PEAK1: variants seen among roughly 807,000 people sequenced by gnomAD.
PEAK1 encodes the protein pseudopodium enriched atypical kinase 1, also known as inactive tyrosine-protein kinase PEAK1.
In PEAK1, 54 loss-of-function variants were observed where a neutral mutation model predicts 124.7. The ratio of observed to expected loss-of-function variants is 0.43; its 90% CI spans 0.35 to 0.54. The LOEUF (loss-of-function observed/expected upper bound fraction) is 0.54, where lower values mean the gene tolerates loss of function less well. PEAK1 is among the 20% of genes least tolerant of loss of function. The pLI is 0.01. For synonymous variants in PEAK1, 719 were observed against 760.0 expected, an observed-to-expected ratio of 0.95 and a Z score of 0.89; for missense variants, 2,046 against 2,134.5, an observed-to-expected ratio of 0.96 and a Z score of 0.82.
At chr15:77,135,740 C>T (rs1449586697) in intron 8 of PEAK1, among the ~76,000 whole-genome samples, 2 of 152,134 alleles carry the variant, frequency 1.3e-5, no homozygotes, top group Non-Finnish European at 2.9e-5. Context: ...CCCCTGCACA[C>T]GTTCTCTCTC....
intron 1 of PEAK1, among the ~76,000 whole-genome samples, chr15:77,398,600 A>G (rs1398181314): frequency 6.6e-6 from 1 of 152,216 alleles, no homozygotes; most frequent in African/African-American, 2.4e-5. Context: ...AAAACTAGGT[A>G]CAGAAGGAAC....
intron 1 of PEAK1, among the ~76,000 whole-genome samples, chr15:77,372,039 A>G (rs1301533317): frequency 6.6e-6 from 1 of 152,230 alleles, no homozygotes; most frequent in Non-Finnish European, 1.5e-5. Flanking sequence ...TGACTTCACT[A>G]TATTTCAAAG....
At chr15:77,306,920 A>T (rs969977252) in intron 2 of PEAK1, among the ~76,000 whole-genome samples, 18 of 152,150 alleles carry the variant, frequency 1.2e-4, no homozygotes, top group Admixed American at 3.3e-4. Context: ...ATGTACATAA[A>T]CATCTTTTGA....
At chr15:77,303,896 A>C (rs1348010220) in intron 2 of PEAK1, among the ~76,000 whole-genome samples, 2 of 152,198 alleles carry the variant, frequency 1.3e-5, no homozygotes, top group East Asian at 1.9e-4. Flanking sequence ...TTATTGCATA[A>C]ATTATAAGGT....
intron 5 of PEAK1, among the ~76,000 whole-genome samples, chr15:77,261,681 C>T (rs1340083498): frequency 3.3e-5 from 5 of 152,186 alleles, no homozygotes; most frequent in Middle Eastern, 3.2e-3. Context: ...TTGGAAAACA[C>T]TCTGCAGGAT....
intron 1 of PEAK1, chr15:77,418,942 TAA>T (rs1236510716): frequency 1.0e-6 from 1 of 985,252 alleles, no homozygotes; most frequent in East Asian, 1.1e-4. Context: ...TCCAATGACC[TAA>T]AAATAGTCTT....
intron 8 of PEAK1, among the ~76,000 whole-genome samples, chr15:77,154,787 T>G (rs2054972412): frequency 6.6e-6 from 1 of 151,984 alleles, no homozygotes; most frequent in South Asian, 2.1e-4. Flanking sequence ...TGAAAATTCT[T>G]TTCTTTAAGA....
chr15:77,254,520 C>A (rs2152928845), intron 5 of PEAK1, among the ~76,000 whole-genome samples: 1 of 152,124 alleles, frequency 6.6e-6, no homozygotes, highest in South Asian at 2.1e-4. Flanking sequence ...GCATCCTTGA[C>A]CTCCTAGGCT....
At chr15:77,168,512 G>A (rs528700311) in intron 7 of PEAK1, among the ~76,000 whole-genome samples, 4 of 152,318 alleles carry the variant, frequency 2.6e-5, no homozygotes, top group African/African-American at 7.2e-5. Context: ...ACATGTAAAA[G>A]ATGAGTGTGG....
intron 6 of PEAK1, among the ~76,000 whole-genome samples, chr15:77,214,923 G>A (rs2059079716): frequency 6.6e-6 from 1 of 152,118 alleles, no homozygotes; most frequent in Admixed American, 6.5e-5. Context: ...ATTACAATTC[G>A]ACAAGAGAAT....
At chr15:77,175,200 T>A (rs1224639459) in intron 7 of PEAK1, among the ~76,000 whole-genome samples, 2 of 152,040 alleles carry the variant, frequency 1.3e-5, no homozygotes, top group African/African-American at 2.4e-5. Flanking sequence ...GGGCAAGGAC[T>A]TCATGTCTAA....
At chr15:77,240,847 A>T (rs987055381) in intron 6 of PEAK1, among the ~76,000 whole-genome samples, 1 of 152,146 alleles carries the variant, frequency 6.6e-6, no homozygotes, top group East Asian at 1.9e-4. Flanking sequence ...AAGCACATGG[A>T]AGAGTATTCA....
At chr15:77,285,235 CTGGCTGT>C (rs1220591430) in intron 3 of PEAK1, 180 bp from the exon 4 acceptor site, 1 of 152,036 alleles carries the variant, frequency 6.6e-6, no homozygotes, top group Non-Finnish European at 1.5e-5. Flanking sequence ...AGTATGTCAC[CTGGCTGT>C]CGTGAATTAA....
chr15:77,401,774 T>C, intron 1 of PEAK1: 3 of 985,132 alleles, frequency 3.0e-6, no homozygotes, highest in Non-Finnish European at 3.6e-6. Flanking sequence ...TTTGCTGATC[T>C]GTATTGGAAT....
At chr15:77,232,626 T>C (rs2059955372) in intron 6 of PEAK1, among the ~76,000 whole-genome samples, 2 of 152,218 alleles carry the variant, frequency 1.3e-5, no homozygotes, top group South Asian at 4.1e-4. Flanking sequence ...CACACTGCCT[T>C]TTCTACCTTT....
At chr15:77,211,077 A>G (rs928546542) in intron 6 of PEAK1, among the ~76,000 whole-genome samples, 4 of 152,202 alleles carry the variant, frequency 2.6e-5, no homozygotes, top group East Asian at 1.9e-4. Flanking sequence ...TTTTGTAAAG[A>G]AAGTTTTATT....
intron 6 of PEAK1, among the ~76,000 whole-genome samples, chr15:77,207,706 G>T (rs1450336689): frequency 1.3e-5 from 2 of 152,016 alleles, no homozygotes; most frequent in South Asian, 4.1e-4. Flanking sequence ...GGAGCAGAGG[G>T]GAATTTTAGG....
rs549546760 is a variant in PEAK1 at position 77,178,948 on chromosome 15, G to A, written c.2979C>T (p.Cys993=). 28 of 1,614,028 alleles carry A rather than the reference G, an allele frequency of 1.7e-5. No individual in the cohort carries two copies. The highest frequency in any genetic ancestry group is 1.7e-4 in the Middle Eastern group (1 of 6,060). Residue 993 remains cysteine (C), a synonymous_variant, in exon 7 of 10, where the codon TGC becomes TGT. Transcript: ENST00000682557. ...EKPAIVFMYR[C]DPAQGQLSVD... ...CACTGAGCTGGCCTTGAGCAGGGTC[G>A]CACCTGTACATGAAGACAATGGCTG...
In PEAK1 at chr15:77,112,706, AC is replaced by A. The variant is rs2051058007; in HGVS notation, c.*1449del. The A allele has an allele frequency of 7.5e-6, 1 of 134,186 alleles. No individual in the cohort carries two copies. The highest frequency in any genetic ancestry group is 1.6e-5 in the Non-Finnish European group (1 of 62,212). 8.3% of individuals were successfully genotyped at this position (134,186 alleles called of 1,614,324 possible). ...ACACACACACACACACACACACACA[AC>A]CCCAGTGGAAGGAACGCTCATCTCT... On this transcript the variant is annotated 3_prime_UTR_variant, in exon 10 of 10. Coordinates refer to ENST00000682557, the MANE Select transcript of PEAK1 (RefSeq NM_001385026.1).
Sources: gnomAD v4.1 joint callset for allele counts (sites outside exome capture counted in the v4.1 genomes callset) on GRCh38, gnomAD v4.1.1 for gene constraint, MANE v1.5 for transcripts, NCBI Gene and HGNC (gene_info 2026-07-23, HGNC 2026-07-21) for gene names.